Variants in WDFY3 observed in about 807,000 individuals in gnomAD.
The protein encoded by WDFY3 is WD repeat and FYVE domain containing 3, also known as WD repeat and FYVE domain-containing protein 3.
In WDFY3, 66 loss-of-function variants were observed where a neutral mutation model predicts 409.6. The observed-to-expected ratio is 0.16, with a 90% CI of 0.13 to 0.20. The LOEUF (loss-of-function observed/expected upper bound fraction) is 0.20, where lower values mean the gene tolerates loss of function less well. Ranked by LOEUF, WDFY3 falls within the 10% of genes least tolerant of loss-of-function variation. The probability of loss-of-function intolerance (pLI) is 1.00; values close to 1 mark genes in which losing one functional copy is unlikely to be tolerated. For synonymous variants in WDFY3, 1,521 were observed against 1,537.1 expected (o/e 0.99, Z 0.25); for missense variants, 3,031 against 4,298.1 (o/e 0.71, Z 8.24).
intron 67 of WDFY3, among the ~76,000 whole-genome samples, chr4:84,674,497 G>A (rs144071990): frequency 8.8e-4 from 134 of 152,092 alleles, no homozygotes; most frequent in Admixed American, 1.4e-3. Flanking sequence ...TTGAGCCTGG[G>A]AGATCAAAGC....
intron 32 of WDFY3, among the ~76,000 whole-genome samples, chr4:84,763,000 T>C (rs1359756845): frequency 6.6e-6 from 1 of 152,070 alleles, no homozygotes; most frequent in African/African-American, 2.4e-5. Flanking sequence ...CATCAAGTGG[T>C]TATTTTATAC....
intron 54 of WDFY3, 44 bp from the exon 55 acceptor site, chr4:84,704,488 T>C: frequency 6.9e-7 from 1 of 1,443,346 alleles, no homozygotes; most frequent in Non-Finnish European, 9.6e-7. Context: ...AAAGAAGAAA[T>C]ATGAAAAATA....
At chr4:84,805,601 T>C (rs955438057) in intron 15 of WDFY3, among the ~76,000 whole-genome samples, 20 of 152,156 alleles carry the variant, frequency 1.3e-4, no homozygotes, top group Non-Finnish European at 7.4e-5. Context: ...AGGATAAAAT[T>C]ACATTTCATA....
intron 55 of WDFY3, among the ~76,000 whole-genome samples, chr4:84,703,043 GC>G (rs1389776704): frequency 6.6e-6 from 1 of 151,650 alleles, no homozygotes; most frequent in Non-Finnish European, 1.5e-5. Flanking sequence ...CCTGCAGTGA[GC>G]CGAGATCGTG....
At chr4:84,753,162 T>G (rs1740836822) in intron 35 of WDFY3, among the ~76,000 whole-genome samples, 1 of 152,204 alleles carries the variant, frequency 6.6e-6, no homozygotes, top group South Asian at 2.1e-4. Flanking sequence ...ATCTATACTA[T>G]ATGTGATTAT....
intron 36 of WDFY3, among the ~76,000 whole-genome samples, chr4:84,747,907 T>A (rs1739774851): frequency 6.6e-6 from 1 of 151,804 alleles, no homozygotes; most frequent in Admixed American, 6.6e-5. Flanking sequence ...TTATAAAATT[T>A]ATATAAAGGA....
At chr4:84,752,431 A>G (rs1031623565) in intron 35 of WDFY3, among the ~76,000 whole-genome samples, 1 of 151,884 alleles carries the variant, frequency 6.6e-6, no homozygotes, top group Admixed American at 6.6e-5. Context: ...CAGTAGAATC[A>G]CAGGAGAATC....
intron 64 of WDFY3, 81 bp from the exon 65 acceptor site, chr4:84,679,323 TC>T: frequency 7.3e-7 from 1 of 1,360,706 alleles, no homozygotes; most frequent in Non-Finnish European, 9.7e-7. Flanking sequence ...ATTTTTTTTC[TC>T]CCAGTTATAA....
At chr4:84,683,655 T>C (rs891883658) in intron 63 of WDFY3, among the ~76,000 whole-genome samples, 1 of 152,184 alleles carries the variant, frequency 6.6e-6, no homozygotes, top group Non-Finnish European at 1.5e-5. Flanking sequence ...GCAGTTCGCA[T>C]GTTGAGCAAT....
chr4:84,835,826 G>A (rs1756495025), intron 7 of WDFY3, among the ~76,000 whole-genome samples: 1 of 152,128 alleles, frequency 6.6e-6, no homozygotes, highest in African/African-American at 2.4e-5. Flanking sequence ...GGCAGTGGCA[G>A]TAATCACAGT....
intron 1 of WDFY3, among the ~76,000 whole-genome samples, chr4:84,961,635 A>G (rs1470580944): frequency 1.3e-5 from 2 of 152,188 alleles, no homozygotes; most frequent in African/African-American, 4.8e-5. Flanking sequence ...GTGAGATCAT[A>G]ACTGATGCCC....
Position 84,688,126 on chromosome 4 carries a change from T to C in WDFY3, c.9503A>G (p.His3168Arg). ...KLSFLTQLRG[H>R]RAPVSALCIN... The stretch of plus-strand genomic sequence containing the variant: ...ACAAAGAGCAGAAACTGGAGCTCGA[T>C]GCCCTCGAAGCTGGGTTAGAAATGA... The change falls in exon 62 of 68, where the codon CAT becomes CGT. Residue 3168 changes from histidine to arginine, a missense_variant. Around this residue, in one of 16 missense-constraint regions of WDFY3, gnomAD observed 378 missense variants for 477.3 expected, o/e 0.79. Transcript: ENST00000295888. The C allele has an allele frequency of 6.2e-7, 1 of 1,614,196 alleles. No homozygotes were observed. Among genetic ancestry groups the C allele is most frequent in the Non-Finnish European group, 8.5e-7 (1 of 1,180,022 alleles).
intron 46 of WDFY3, among the ~76,000 whole-genome samples, chr4:84,722,404 A>T (rs986163572): frequency 6.6e-6 from 1 of 152,138 alleles, no homozygotes; most frequent in Non-Finnish European, 1.5e-5. Flanking sequence ...GTAAAAAATA[A>T]ACATGATTAC....
At position 84,801,630 on chromosome 4, in the gene WDFY3, G is replaced by C; in HGVS notation, c.2822+20C>G. 2 of 1,589,122 alleles carry C rather than the reference G, an allele frequency of 1.3e-6. No homozygotes were observed. The highest frequency in any genetic ancestry group is 1.1e-5 in the South Asian group (1 of 89,130). ...TGACATTACTAATTGTGGACTATTT[G>C]AGTATGAAAGAGAACTTACCTCAAC... On this transcript the variant is annotated intron_variant, in intron 17 of 67. Coordinates refer to ENST00000295888, the MANE Select transcript of WDFY3 (RefSeq NM_014991.6).
At chr4:84,902,102 C>T (rs1310096843) in intron 2 of WDFY3, among the ~76,000 whole-genome samples, 1 of 152,166 alleles carries the variant, frequency 6.6e-6, no homozygotes, top group African/African-American at 2.4e-5. Flanking sequence ...CTCTTTCCCA[C>T]CTCCAAGTTC....
At chr4:84,938,194 C>A (rs1190661002) in intron 1 of WDFY3, among the ~76,000 whole-genome samples, 1 of 151,942 alleles carries the variant, frequency 6.6e-6, no homozygotes, top group East Asian at 1.9e-4. Flanking sequence ...AGCAGGCATC[C>A]AATTAACATT....
chr4:84,781,300 G>A (rs1037506102), intron 25 of WDFY3, among the ~76,000 whole-genome samples: 3 of 150,980 alleles, frequency 2.0e-5, no homozygotes, highest in African/African-American at 7.3e-5. Flanking sequence ...TGCTGACCAA[G>A]ACTGAGATTT....
intron 66 of WDFY3, 144 bp from the exon 67 acceptor site, chr4:84,677,540 G>GT (rs1172938156): frequency 7.2e-6 from 5 of 691,476 alleles, no homozygotes; most frequent in African/African-American, 5.5e-5. Context: ...ACTCAGAGAT[G>GT]TATGTGTAAA....
chr4:84,731,071 A>G (rs1736517866), intron 44 of WDFY3, among the ~76,000 whole-genome samples: 1 of 152,148 alleles, frequency 6.6e-6, no homozygotes. Flanking sequence ...TGCTGGGATT[A>G]CAGGTGTGAG....
Sources: allele counts gnomAD v4.1 joint callset (sites outside exome capture counted in the v4.1 genomes callset), GRCh38; gene constraint gnomAD v4.1.1; regional missense constraint gnomAD v4.1.1; transcripts MANE v1.5; gene names NCBI Gene and HGNC (gene_info 2026-07-23, HGNC 2026-07-21).